ABTB3: variants seen among roughly 807,000 people sequenced by gnomAD.
ABTB3 encodes ankyrin repeat and BTB domain containing 3, also known as ankyrin repeat- and BTB/POZ domain-containing protein 3.
the ABTB3 span, among the ~76,000 whole-genome samples, chr12:107,561,793 C>T: frequency 6.6e-6 from 1 of 152,190 alleles, no homozygotes; most frequent in Non-Finnish European, 1.5e-5. Context: ...ACTCCTTAAG[C>T]TACTCCAATT....
the ABTB3 span, among the ~76,000 whole-genome samples, chr12:107,597,541 TATCACCTA>T: frequency 1.3e-5 from 2 of 152,202 alleles, no homozygotes; most frequent in African/African-American, 4.8e-5. Flanking sequence ...GCAGAGCTCT[TATCACCTA>T]ATCACCTTCC....
chr12:107,370,291 G>A, the ABTB3 span, among the ~76,000 whole-genome samples: 12 of 152,174 alleles, frequency 7.9e-5, no homozygotes, highest in African/African-American at 1.7e-4. Flanking sequence ...GGCCCATGTC[G>A]GTTCGTGGAA....
At chr12:107,616,937 C>A in the ABTB3 span, 1 of 710,564 alleles carries the variant, frequency 1.4e-6, no homozygotes. Flanking sequence ...GTTCATCCTC[C>A]AGGGTACAGT....
chr12:107,458,801 G>C, the ABTB3 span, among the ~76,000 whole-genome samples: 1 of 152,140 alleles, frequency 6.6e-6, no homozygotes, highest in South Asian at 2.1e-4. Context: ...ACTTCCCACA[G>C]ATGAGGCCAT....
At chr12:107,443,776 C>T in the ABTB3 span, among the ~76,000 whole-genome samples, 1 of 152,070 alleles carries the variant, frequency 6.6e-6, no homozygotes, top group African/African-American at 2.4e-5. Flanking sequence ...GGTGGAGACC[C>T]CAACAGGGCA....
the ABTB3 span, among the ~76,000 whole-genome samples, chr12:107,544,861 A>G: frequency 2.0e-5 from 3 of 152,226 alleles, no homozygotes; most frequent in Admixed American, 2.0e-4. Flanking sequence ...GGCTTTTCTA[A>G]TTAAAAGCTG....
At chr12:107,450,810 G>C in the ABTB3 span, among the ~76,000 whole-genome samples, 3 of 152,096 alleles carry the variant, frequency 2.0e-5, no homozygotes, top group East Asian at 1.9e-4. Flanking sequence ...GGCAGGAGGG[G>C]GAGGGGAGGA....
the ABTB3 span, among the ~76,000 whole-genome samples, chr12:107,365,423 C>T: frequency 1.5e-4 from 23 of 151,826 alleles, 1 homozygote; most frequent in South Asian, 4.8e-3. Flanking sequence ...AGTAGACACA[C>T]AAAAAAATAG....
At chr12:107,467,600 G>A in the ABTB3 span, among the ~76,000 whole-genome samples, 19 of 151,900 alleles carry the variant, frequency 1.3e-4, no homozygotes, top group African/African-American at 4.1e-4. Flanking sequence ...ACACATGTAT[G>A]TGCATGCACT....
chr12:107,626,799 T>C, the ABTB3 span, among the ~76,000 whole-genome samples: 1 of 152,162 alleles, frequency 6.6e-6, no homozygotes, highest in Non-Finnish European at 1.5e-5. Context: ...CTAATCTCTT[T>C]GTGCCTCTAC....
At chr12:107,535,130 T>C in the ABTB3 span, among the ~76,000 whole-genome samples, 2 of 152,072 alleles carry the variant, frequency 1.3e-5, no homozygotes, top group Admixed American at 6.5e-5. Flanking sequence ...TGCAAGGAAA[T>C]TCAGCATATA....
chr12:107,321,883 C>T, the ABTB3 span, among the ~76,000 whole-genome samples: 34 of 152,252 alleles, frequency 2.2e-4, no homozygotes, highest in African/African-American at 7.2e-4. Flanking sequence ...GGCCTGGAAC[C>T]TCTTCTTTTT....
the ABTB3 span, among the ~76,000 whole-genome samples, chr12:107,402,008 C>T: frequency 0.016 from 2,409 of 150,468 alleles, 62 homozygotes; most frequent in African/African-American, 0.051. Flanking sequence ...AGTTCTATCT[C>T]GACTCCTAAG....
chr12:107,567,713 G>A, the ABTB3 span, among the ~76,000 whole-genome samples: 4 of 152,124 alleles, frequency 2.6e-5, no homozygotes, highest in African/African-American at 7.2e-5. Context: ...ATCACAGGCC[G>A]CATTCGATTC....
the ABTB3 span, among the ~76,000 whole-genome samples, chr12:107,604,313 G>C: frequency 6.6e-6 from 1 of 152,234 alleles, no homozygotes; most frequent in Non-Finnish European, 1.5e-5. Flanking sequence ...TGGGCATGCT[G>C]ATGCATGCCT....
the ABTB3 span, among the ~76,000 whole-genome samples, chr12:107,439,595 G>C: frequency 4.8e-4 from 73 of 152,012 alleles, no homozygotes; most frequent in African/African-American, 1.7e-3. Flanking sequence ...CTTTTCTCCC[G>C]GCCCAGCACA....
chr12:107,365,350 ATAGT>A, the ABTB3 span, among the ~76,000 whole-genome samples: 1 of 152,208 alleles, frequency 6.6e-6, no homozygotes, highest in East Asian at 1.9e-4. Context: ...GGGAATAATA[ATAGT>A]TATTGTTCAG....
chr12:107,439,750 G>C, the ABTB3 span, among the ~76,000 whole-genome samples: 2 of 152,132 alleles, frequency 1.3e-5, no homozygotes, highest in African/African-American at 4.8e-5. Flanking sequence ...TTGGGGATAA[G>C]GATGTACCTG....
At chr12:107,579,765 T>C in the ABTB3 span, among the ~76,000 whole-genome samples, 3 of 152,258 alleles carry the variant, frequency 2.0e-5, no homozygotes, top group Admixed American at 6.5e-5. Context: ...CAAGAACATA[T>C]TTGCATGACC....
Sources: allele counts gnomAD v4.1 joint callset (sites outside exome capture counted in the v4.1 genomes callset), GRCh38; gene constraint gnomAD v4.1.1; transcripts MANE v1.5; gene names NCBI Gene and HGNC (gene_info 2026-07-23, HGNC 2026-07-21).